Variants in GRHL3 observed in about 807,000 individuals in gnomAD.
The protein encoded by GRHL3 is grainyhead-like protein 3 homolog.
In GRHL3, 20 loss-of-function variants were observed where a neutral mutation model predicts 70.3. The ratio of observed to expected loss-of-function variants is 0.28; its 90% CI spans 0.20 to 0.41. The LOEUF (loss-of-function observed/expected upper bound fraction) is 0.41, where lower values mean the gene tolerates loss of function less well. Among genes scored for constraint, GRHL3 ranks in the 10% least tolerant of loss-of-function variants. The probability of loss-of-function intolerance (pLI) is 1.00; values close to 1 mark genes in which losing one functional copy is unlikely to be tolerated. For synonymous variants in GRHL3, 299 were observed against 299.9 expected (o/e 1.00, Z 0.03); for missense variants, 637 against 762.3 (o/e 0.84, Z 1.94).
chr1:24,346,777 TG>T (rs1171589868), intron 13 of GRHL3, 136 bp downstream of exon 13: 1 of 647,034 alleles, frequency 1.5e-6, no homozygotes, highest in East Asian at 2.8e-5. Context: ...GGTTAAGACT[TG>T]GGGGTGGGGG....
chr1:24,357,841 T>G, downstream of GRHL3: 1 of 294,294 alleles, frequency 3.4e-6, no homozygotes, highest in South Asian at 3.5e-5. Context: ...CTTGAGAAAA[T>G]TCAGTCCCGC....
At position 24,347,465 on chromosome 1, in the gene GRHL3, C is replaced by T; in HGVS notation, c.1544-3C>T. 6.2e-7 allele frequency: 1 copy of T among 1,613,714 alleles called. No individual in the cohort carries two copies. The highest frequency in any genetic ancestry group is 8.5e-7 in the Non-Finnish European group (1 of 1,179,614). ...TGCACTCAAGCTGGCCCTTGCTTTT[C>T]AGTTCTGCTGTATGTGCGGAGGGAG... On this transcript the variant is annotated splice_region_variant and splice_polypyrimidine_tract_variant and intron_variant, in intron 13 of 15. Coordinates refer to ENST00000361548, the MANE Select transcript of GRHL3 (RefSeq NM_198173.3).
In GRHL3 at chr1:24,322,853, T is replaced by C. The variant is rs1182724853; in HGVS notation, c.17+3285T>C. On this transcript the variant is annotated intron_variant, in intron 1 of 15. Transcript: ENST00000361548. The surrounding 1 kb of genome is among the most constrained non-coding windows in gnomAD (Gnocchi z 4.4). Reference sequence around the variant, plus strand: ...CGAGTGCTTGATAAATACACGCTCTTCTTTAAACCCTCCCAACAAACTAAT... The same window carrying C: ...CGAGTGCTTGATAAATACACGCTCTCCTTTAAACCCTCCCAACAAACTAAT... 2.0e-5 allele frequency among the ~76,000 whole-genome samples: 3 copies of C among 152,236 alleles called. No individual in the cohort carries two copies. The highest frequency in any genetic ancestry group is 4.4e-5 in the Non-Finnish European group (3 of 68,042).
intron 1 of GRHL3, chr1:24,319,779 C>T (rs1055699781): frequency 4.2e-6 from 6 of 1,427,300 alleles, no homozygotes; most frequent in Non-Finnish European, 5.5e-6. Context: ...TAGTTTTTCT[C>T]ATTCTCTTTG....
intron 11 of GRHL3, among the ~76,000 whole-genome samples, chr1:24,343,698 A>G (rs1557701607): frequency 2.0e-5 from 3 of 151,978 alleles, no homozygotes; most frequent in African/African-American, 4.8e-5. Context: ...CAACAATTCA[A>G]TGGCAGGGTC....
chr1:24,328,417 G>A (rs1639472617), intron 1 of GRHL3, among the ~76,000 whole-genome samples: 1 of 152,230 alleles, frequency 6.6e-6, no homozygotes, highest in South Asian at 2.1e-4. Flanking sequence ...TTAAAGTACA[G>A]AAGCTGCTGT....
At chr1:24,323,194 G>A in intron 1 of GRHL3, 1 of 884,044 alleles carries the variant, frequency 1.1e-6, no homozygotes, top group Admixed American at 2.0e-5. Flanking sequence ...GGAAGAGAGG[G>A]AGTCATTATT....
At chr1:24,344,485 GAAAAAA>G (rs57193515) in intron 11 of GRHL3, among the ~76,000 whole-genome samples, 2,915 of 55,876 alleles carry the variant, frequency 0.052, 84 homozygotes, top group Non-Finnish European at 0.056. Context: ...TTTCCCCCCA[GAAAAAA>G]AAAAAAAAAA....
intron 7 of GRHL3, among the ~76,000 whole-genome samples, chr1:24,338,347 G>A (rs1042044482): frequency 2.0e-5 from 3 of 152,232 alleles, no homozygotes; most frequent in Admixed American, 6.5e-5. Flanking sequence ...AGGCTCCTGC[G>A]ATGCTGGCCT....
In GRHL3 at chr1:24,342,102, C is replaced by T; in HGVS notation, c.1048-13C>T. ...GGGCAGGCCACTTACCCAGCGGCCC[C>T]CTCTGTCTCCAGGTGTTCATCGGCG... On this transcript the variant is annotated splice_polypyrimidine_tract_variant and intron_variant, in intron 8 of 15. Transcript: ENST00000361548. The surrounding 1 kb of genome is among the most constrained non-coding windows in gnomAD (Gnocchi z 4.8). The T allele has an allele frequency of 1.3e-6, 2 of 1,548,302 alleles. No homozygotes were observed.
At chr1:24,325,816 G>A (rs76748244) in intron 1 of GRHL3, among the ~76,000 whole-genome samples, 1 of 152,228 alleles carries the variant, frequency 6.6e-6, no homozygotes, top group Non-Finnish European at 1.5e-5. Context: ...AGGCCTATCA[G>A]GTAGACCCCT....
chr1:24,338,666 C>T (rs1203902812), intron 7 of GRHL3, among the ~76,000 whole-genome samples: 1 of 152,162 alleles, frequency 6.6e-6, no homozygotes, highest in Non-Finnish European at 1.5e-5. Flanking sequence ...GCCTTGCCTG[C>T]TTACAATGCT....
Position 24,337,702 on chromosome 1 carries a change from C to T in GRHL3, c.753C>T (p.Ala251=), listed in dbSNP as rs1341884169. 6.2e-7 allele frequency: 1 copy of T among 1,614,198 alleles called. No individual in the cohort carries two copies. The highest frequency in any genetic ancestry group is 8.5e-7 in the Non-Finnish European group (1 of 1,180,040). ...TCAAGTCAGGCGAGTCACCCATGGC[C>T]TACCTCAACAAAGGCCAGTTCTACC... ...IHIKSGESPM[A]YLNKGQFYPV... The change falls in exon 6 of 16, where the codon GCC becomes GCT. Residue 251 remains alanine (A), a synonymous_variant. Transcript: ENST00000361548.
At chr1:24,320,640 C>G (rs1032562616) in intron 1 of GRHL3, among the ~76,000 whole-genome samples, 4 of 152,238 alleles carry the variant, frequency 2.6e-5, no homozygotes, top group African/African-American at 9.6e-5. Context: ...TGTGGGCAGA[C>G]AGCAGTGCTA....
rs1569898595 is a variant in GRHL3, at chr1:24,342,849, A to G, written c.1286-43A>G. 7 of 1,614,062 alleles carry G rather than the reference A, an allele frequency of 4.3e-6. No individual in the cohort carries two copies. In the African/African-American group the frequency reaches 5.3e-5, roughly 12 times the overall value. ...GGAGACCAGAGGTGGGAGGGACTTGAGTGGAGGGACCTCGGGGCACATTGG... is the reference window on the plus strand; with the variant it reads ...GGAGACCAGAGGTGGGAGGGACTTGGGTGGAGGGACCTCGGGGCACATTGG... On this transcript the variant is annotated intron_variant, in intron 10 of 15. Coordinates refer to ENST00000361548, the MANE Select transcript of GRHL3 (RefSeq NM_198173.3). The surrounding 1 kb of genome is among the most constrained non-coding windows in gnomAD (Gnocchi z 4.8).
At chr1:24,344,136 C>T (rs560604080) in intron 11 of GRHL3, among the ~76,000 whole-genome samples, 1 of 152,320 alleles carries the variant, frequency 6.6e-6, no homozygotes, top group African/African-American at 2.4e-5. Flanking sequence ...CCAGTCTCCA[C>T]ACCTGTGAGC....
chr1:24,347,608 C>T, intron 14 of GRHL3, 55 bp downstream of exon 14: 4 of 1,334,604 alleles, frequency 3.0e-6, no homozygotes, highest in Non-Finnish European at 4.3e-6. Context: ...GGCTCCTGTC[C>T]CCACTCCTCA....
chr1:24,334,747 A>G lies in GRHL3; in HGVS notation c.266+41A>G. The G allele has an allele frequency of 6.5e-7, 1 of 1,537,126 alleles. No individual in the cohort carries two copies. Among genetic ancestry groups the G allele is most frequent in the Non-Finnish European group, 8.9e-7 (1 of 1,117,898 alleles). ...ACCCTCTGCCTCTTTGCCCTTCCCCACCTCCACCTGGAGCCTCTTCCACAC... is the reference window on the plus strand; with the variant it reads ...ACCCTCTGCCTCTTTGCCCTTCCCCGCCTCCACCTGGAGCCTCTTCCACAC... On this transcript the variant is annotated intron_variant, in intron 3 of 15. Coordinates refer to ENST00000361548, the MANE Select transcript of GRHL3 (RefSeq NM_198173.3). The surrounding 1 kb of genome is among the most constrained non-coding windows in gnomAD (Gnocchi z 4.3).
At chr1:24,354,244 G>A in intron 15 of GRHL3, 130 bp from the exon 16 acceptor site, 1 of 619,372 alleles carries the variant, frequency 1.6e-6, no homozygotes. Flanking sequence ...GGATCAGAGG[G>A]AAGGTTTGTG....
Sources: allele counts gnomAD v4.1 joint callset (sites outside exome capture counted in the v4.1 genomes callset), GRCh38; gene constraint gnomAD v4.1.1; non-coding constraint Gnocchi (gnomAD v3.1); transcripts MANE v1.5; gene names NCBI Gene and HGNC (gene_info 2026-07-23, HGNC 2026-07-21).